Variants in CNTN5 observed in about 807,000 individuals in gnomAD.
The protein encoded by CNTN5 is contactin 5.
Under a neutral mutation model 129.1 loss-of-function variants are expected in CNTN5, and 77 were observed. That is an observed-to-expected ratio of 0.60 (90% CI 0.50 to 0.72). The LOEUF is 0.72. Ranked by LOEUF, CNTN5 falls within the 30% of genes least tolerant of loss-of-function variation. CNTN5 has a pLI of 0.00. For missense variants in CNTN5, 1,478 were observed against 1,328.8 expected (o/e 1.11, Z -1.75); for synonymous variants, 509 against 465.6 (o/e 1.09, Z -1.20).
chr11:99,414,447 A>G (rs771931889), intron 2 of CNTN5, among the ~76,000 whole-genome samples: 8 of 151,936 alleles, frequency 5.3e-5, no homozygotes, highest in Admixed American at 2.6e-4. Flanking sequence ...AATTATATAC[A>G]TATGTGTGTA....
chr11:99,913,082 C>T (rs1014568128), intron 6 of CNTN5, among the ~76,000 whole-genome samples: 1 of 151,968 alleles, frequency 6.6e-6, no homozygotes, highest in African/African-American at 2.4e-5. Flanking sequence ...GTACATGTAA[C>T]GTGTCATCTA....
In CNTN5 at chr11:99,997,331, G is replaced by A. The variant is rs182909225; in HGVS notation, c.878-4703G>A. 4.6e-3 allele frequency among the ~76,000 whole-genome samples: 696 copies of A among 152,186 alleles called. 1 individual carries two copies. Among genetic ancestry groups the A allele is most frequent in the Non-Finnish European group, 6.5e-3 (444 of 68,012 alleles). Reference sequence around the variant, plus strand: ...TCTAGTTATTTTAATTGTGATGTTAGGGTGTCAATTTTGGATCAACTACCA... The same window carrying A: ...TCTAGTTATTTTAATTGTGATGTTAAGGTGTCAATTTTGGATCAACTACCA... On this transcript the variant is annotated intron_variant, in intron 8 of 24. Coordinates refer to ENST00000524871, the MANE Select transcript of CNTN5 (RefSeq NM_014361.4).
chr11:99,587,135 A>T (rs1189531420), intron 3 of CNTN5, among the ~76,000 whole-genome samples: 1 of 152,216 alleles, frequency 6.6e-6, no homozygotes, highest in Non-Finnish European at 1.5e-5. Flanking sequence ...GCTACTAAGA[A>T]AGAGCAACTC....
chr11:99,690,190 T>C (rs1261681837), intron 3 of CNTN5, among the ~76,000 whole-genome samples: 2 of 152,194 alleles, frequency 1.3e-5, no homozygotes, highest in East Asian at 3.8e-4. Context: ...TAGGGAATCC[T>C]TTCCCCATTG....
intron 3 of CNTN5, among the ~76,000 whole-genome samples, chr11:99,817,551 C>A (rs2135544617): frequency 6.8e-6 from 1 of 147,254 alleles, no homozygotes; most frequent in African/African-American, 2.5e-5. Flanking sequence ...AACTATAAAC[C>A]ACATTATCAT....
intron 18 of CNTN5, among the ~76,000 whole-genome samples, chr11:100,291,216 T>C (rs1950958268): frequency 6.6e-6 from 1 of 150,878 alleles, no homozygotes; most frequent in Non-Finnish European, 1.5e-5. Flanking sequence ...CTCAGGGATC[T>C]AGAACTAGAA....
intron 3 of CNTN5, among the ~76,000 whole-genome samples, chr11:99,770,470 C>T (rs1297635029): frequency 6.6e-6 from 1 of 151,832 alleles, no homozygotes; most frequent in Non-Finnish European, 1.5e-5. Context: ...CTTCATTTTG[C>T]TTTAACATGT....
intron 13 of CNTN5, among the ~76,000 whole-genome samples, chr11:100,096,290 A>AG (rs886595066): frequency 3.3e-5 from 5 of 152,070 alleles, no homozygotes; most frequent in African/African-American, 1.2e-4. Context: ...TAAGAAGGGG[A>AG]GGATAATGAC....
At chr11:99,234,933 A>G (rs1323121889) in intron 1 of CNTN5, among the ~76,000 whole-genome samples, 2 of 152,106 alleles carry the variant, frequency 1.3e-5, no homozygotes, top group African/African-American at 2.4e-5. Context: ...GATGCATGGC[A>G]TAGTCTCTGA....
intron 2 of CNTN5, among the ~76,000 whole-genome samples, chr11:99,434,278 G>A (rs1943515291): frequency 6.6e-6 from 1 of 152,076 alleles, no homozygotes; most frequent in Non-Finnish European, 1.5e-5. Flanking sequence ...TGAAAAAACA[G>A]TAGATAATAT....
intron 2 of CNTN5, among the ~76,000 whole-genome samples, chr11:99,415,463 T>C (rs1196005982): frequency 6.6e-6 from 1 of 152,132 alleles, no homozygotes; most frequent in African/African-American, 2.4e-5. Context: ...GGAATGTGGG[T>C]CTTATAACCT....
At chr11:100,353,907 C>A (rs1952470956) in intron 24 of CNTN5, among the ~76,000 whole-genome samples, 1 of 151,354 alleles carries the variant, frequency 6.6e-6, no homozygotes, top group East Asian at 1.9e-4. Context: ...ACTAAAACTA[C>A]CCCCCCAAAT....
intron 8 of CNTN5, among the ~76,000 whole-genome samples, chr11:99,963,505 C>G (rs866167427): frequency 1.3e-5 from 2 of 152,172 alleles, no homozygotes; most frequent in Middle Eastern, 3.4e-3. Flanking sequence ...CTGTTCTGTT[C>G]TGTTGGTCTA....
chr11:100,143,334 A>G (rs1028924840), intron 13 of CNTN5, among the ~76,000 whole-genome samples: 6 of 152,158 alleles, frequency 3.9e-5, no homozygotes, highest in Non-Finnish European at 7.4e-5. Flanking sequence ...TAATTGTTAA[A>G]GCCAGCTGGA....
At chr11:100,292,299 G>T (rs1486821814) in intron 18 of CNTN5, among the ~76,000 whole-genome samples, 2 of 152,062 alleles carry the variant, frequency 1.3e-5, no homozygotes, top group East Asian at 1.9e-4. Context: ...TTTCTCTCAT[G>T]GGGTGCATTG....
At chr11:99,312,098 A>G (rs1865138340) in intron 1 of CNTN5, among the ~76,000 whole-genome samples, 1 of 152,220 alleles carries the variant, frequency 6.6e-6, no homozygotes, top group African/African-American at 2.4e-5. Flanking sequence ...ATGAAATATC[A>G]GAAATGTAGT....
rs1000604544 is a variant in CNTN5, at chr11:100,308,789, T to C, written c.2730+321T>C. 9.0e-6 allele frequency: 9 copies of C among 996,732 alleles called. No individual in the cohort carries two copies. In the Admixed American group the frequency reaches 4.0e-4, roughly 45 times the overall value. The allele number at this position is 996,732 out of a possible 1,614,324, so 61.7% of individuals were successfully genotyped here. A position where few individuals can be genotyped will look rare whatever the true frequency, so the allele number is the denominator to read the frequency against. On this transcript the variant is annotated intron_variant, in intron 21 of 24. Coordinates refer to ENST00000524871, the MANE Select transcript of CNTN5 (RefSeq NM_014361.4). ...GGTCATTTTAAAAGTTTTTGTGTCT[T>C]CCTTTCTAATAATTTAATGTATAAA... is the stretch of plus-strand genomic sequence containing the variant.
At chr11:99,567,704 T>G (rs1565303324) in intron 3 of CNTN5, among the ~76,000 whole-genome samples, 1 of 152,206 alleles carries the variant, frequency 6.6e-6, no homozygotes, top group Non-Finnish European at 1.5e-5. Context: ...CAAATTAAAA[T>G]TATGTATTTG....
intron 2 of CNTN5, among the ~76,000 whole-genome samples, chr11:99,384,060 C>G (rs1940771704): frequency 6.6e-6 from 1 of 152,120 alleles, no homozygotes; most frequent in African/African-American, 2.4e-5. Context: ...GTTGCTGATT[C>G]CCTAGTCATT....
Sources: allele counts gnomAD v4.1 joint callset (sites outside exome capture counted in the v4.1 genomes callset), GRCh38; gene constraint gnomAD v4.1.1; transcripts MANE v1.5; gene names NCBI Gene and HGNC (gene_info 2026-07-23, HGNC 2026-07-21).